DIAPH2: variants seen among roughly 807,000 people sequenced by gnomAD.
DIAPH2 encodes the protein diaphanous related formin 2, also known as protein diaphanous homolog 2.
DIAPH2 carries 35 observed loss-of-function variants against 92.7 expected under a neutral mutation model. The ratio of observed to expected loss-of-function variants is 0.38; its 90% confidence interval spans 0.29 to 0.50. The LOEUF is 0.50. DIAPH2 is among the 20% of genes least tolerant of loss of function. The pLI is 0.94. For missense variants in DIAPH2, 701 were observed against 819.5 expected, an observed-to-expected ratio of 0.86 and a Z score of 1.77; for synonymous variants, 301 against 280.4, an observed-to-expected ratio of 1.07 and a Z score of -0.73.
At chrX:97,474,634 C>T (rs1286350392) in intron 26 of DIAPH2, among the ~76,000 whole-genome samples, 19 of 110,142 alleles carry the variant, frequency 1.7e-4, no homozygotes, top group Middle Eastern at 4.7e-3. Context: ...GGTGTGGTGG[C>T]GGGTGCCTGT....
chrX:97,258,654 G>C (rs1412526186), intron 23 of DIAPH2, among the ~76,000 whole-genome samples: 1 of 107,815 alleles, frequency 9.3e-6, no homozygotes, highest in Admixed American at 1.0e-4. Context: ...TGGATCACGG[G>C]GTCAGGAGAT....
intron 1 of DIAPH2, among the ~76,000 whole-genome samples, chrX:96,727,422 C>T (rs1437634636): frequency 1.8e-5 from 2 of 111,884 alleles, no homozygotes; most frequent in African/African-American, 3.2e-5. Context: ...CTCTAATCCA[C>T]CCTACATATT....
At chrX:97,233,886 G>T (rs1474096846) in intron 22 of DIAPH2, among the ~76,000 whole-genome samples, 1 of 111,348 alleles carries the variant, frequency 9.0e-6, no homozygotes, top group Non-Finnish European at 1.9e-5. Context: ...TTTCTGTCCT[G>T]TTAAATTAAC....
chrX:96,983,729 A>G (rs1208443930), intron 17 of DIAPH2, among the ~76,000 whole-genome samples: 2 of 111,740 alleles, frequency 1.8e-5, no homozygotes, highest in Non-Finnish European at 3.8e-5. Flanking sequence ...TCTGCATTGT[A>G]TCAATATTAT....
chrX:96,939,568 G>A lies in DIAPH2; in HGVS notation c.1325+186G>A, dbSNP rs867081798. ...TATGTATATATGTATATATATATAT[G>A]TGTGTGTGTGTGTATATGTGTGTGT... On this transcript the variant is annotated intron_variant, in intron 12 of 26. Transcript: ENST00000324765. Among the ~76,000 whole-genome samples the A allele has an allele frequency of 8.9e-3, 504 of 56,677 alleles. 10 individuals carry two copies. Among genetic ancestry groups the A allele is most frequent in the African/African-American group, 0.028 (478 of 16,888 alleles). The allele number at this position is 56,677 out of a possible 115,157, so 49.2% of individuals were successfully genotyped here. A position where few individuals can be genotyped will look rare whatever the true frequency, so the allele number is the denominator to read the frequency against.
chrX:97,411,643 A>G (rs1259272142), intron 25 of DIAPH2, among the ~76,000 whole-genome samples: 1 of 112,085 alleles, frequency 8.9e-6, no homozygotes, highest in Admixed American at 9.5e-5. Context: ...TCAGTGTGCT[A>G]TATTCAGGAG....
At chrX:97,183,233 A>G (rs1432527816) in intron 22 of DIAPH2, among the ~76,000 whole-genome samples, 1 of 111,559 alleles carries the variant, frequency 9.0e-6, no homozygotes, top group Non-Finnish European at 1.9e-5. Flanking sequence ...ATCTATCCTC[A>G]TCTTCCCGGG....
intron 19 of DIAPH2, among the ~76,000 whole-genome samples, chrX:97,094,373 T>C (rs1412395100): frequency 8.9e-6 from 1 of 112,086 alleles, no homozygotes; most frequent in Admixed American, 9.4e-5. Flanking sequence ...GATTAAAGAT[T>C]AGATAGGAAA....
intron 21 of DIAPH2, among the ~76,000 whole-genome samples, chrX:97,119,951 T>C (rs1176886962): frequency 9.0e-6 from 1 of 111,596 alleles, no homozygotes; most frequent in Non-Finnish European, 1.9e-5. Flanking sequence ...GGCTGAGAAC[T>C]TGCCCCAGGC....
intron 22 of DIAPH2, among the ~76,000 whole-genome samples, chrX:97,200,540 C>T (rs1035177592): frequency 3.9e-5 from 4 of 101,917 alleles, no homozygotes; most frequent in Non-Finnish European, 2.0e-5. Context: ...CTGAGACTGA[C>T]AGGTTTGGAC....
chrX:96,854,126 T>G (rs1248377433), intron 4 of DIAPH2, among the ~76,000 whole-genome samples: 1 of 111,439 alleles, frequency 9.0e-6, no homozygotes, highest in African/African-American at 3.3e-5. Context: ...CCCTATATTC[T>G]TACTCATTTA....
intron 4 of DIAPH2, among the ~76,000 whole-genome samples, chrX:96,826,244 C>G (rs975905376): frequency 9.1e-6 from 1 of 109,900 alleles, no homozygotes; most frequent in African/African-American, 3.3e-5. Context: ...TGGTGAAACC[C>G]CATTTCTACT....
At chrX:97,502,586 T>C (rs917450010) in intron 26 of DIAPH2, among the ~76,000 whole-genome samples, 1 of 112,476 alleles carries the variant, frequency 8.9e-6, no homozygotes, top group Non-Finnish European at 1.9e-5. Context: ...ATTTTCTCAT[T>C]TTGCAAGATC....
intron 4 of DIAPH2, among the ~76,000 whole-genome samples, chrX:96,841,484 C>G (rs1159635232): frequency 8.9e-6 from 1 of 111,830 alleles, no homozygotes; most frequent in Non-Finnish European, 1.9e-5. Context: ...TTTATAAGAG[C>G]CTCTCAGATT....
intron 26 of DIAPH2, among the ~76,000 whole-genome samples, chrX:97,440,277 G>A (rs931861633): frequency 2.7e-5 from 3 of 111,541 alleles, no homozygotes; most frequent in Non-Finnish European, 5.6e-5. Flanking sequence ...TATGGGACTA[G>A]CTCGGAATTT....
intron 3 of DIAPH2, among the ~76,000 whole-genome samples, chrX:96,750,051 GTTTT>G (rs753887199): frequency 2.8e-5 from 2 of 71,042 alleles, no homozygotes; most frequent in Non-Finnish European, 5.1e-5. Context: ...TATATTTCAA[GTTTT>G]TTTTTTTTTT....
intron 4 of DIAPH2, among the ~76,000 whole-genome samples, chrX:96,773,245 C>A (rs187614513): frequency 2.3e-4 from 20 of 86,120 alleles, no homozygotes; most frequent in South Asian, 1.6e-3. Context: ...TTTCCCCCCC[C>A]CTCCCGCCCT....
intron 23 of DIAPH2, among the ~76,000 whole-genome samples, chrX:97,258,795 C>T (rs1333749913): frequency 4.1e-5 from 4 of 96,626 alleles, no homozygotes; most frequent in Non-Finnish European, 8.0e-5. Flanking sequence ...GGCGTGAACC[C>T]GGGAGGCGGA....
intron 26 of DIAPH2, among the ~76,000 whole-genome samples, chrX:97,485,533 G>C (rs1048498416): frequency 8.9e-6 from 1 of 112,743 alleles, no homozygotes; most frequent in Non-Finnish European, 1.9e-5. Context: ...GACCGTGATT[G>C]TATTCTCATT....
Sources: allele counts gnomAD v4.1 joint callset (sites outside exome capture counted in the v4.1 genomes callset), GRCh38; gene constraint gnomAD v4.1.1; transcripts MANE v1.5; gene names NCBI Gene and HGNC (gene_info 2026-07-23, HGNC 2026-07-21).